Variants in CYFIP1 observed in about 807,000 individuals in gnomAD.
CYFIP1 encodes the protein cytoplasmic FMR1-interacting protein 1.
A neutral mutation model predicts 163.5 loss-of-function variants in CYFIP1; 58 were observed. That is an observed-to-expected ratio of 0.35 (90% CI 0.29 to 0.44). CYFIP1 has a LOEUF of 0.44. Ranked by LOEUF, CYFIP1 falls within the 20% of genes least tolerant of loss-of-function variation. The pLI is 1.00. For synonymous variants in CYFIP1, 663 were observed against 660.7 expected, an observed-to-expected ratio of 1.00 and a Z score of -0.05; for missense variants, 1,338 against 1,653.8, an observed-to-expected ratio of 0.81 and a Z score of 3.31.
intron 1 of CYFIP1, among the ~76,000 whole-genome samples, chr15:22,962,524 G>A (rs1031948275): frequency 9.9e-5 from 15 of 151,434 alleles, no homozygotes; most frequent in Non-Finnish European, 7.4e-5. Flanking sequence ...TAAGCCTCCC[G>A]AGTAGCTGGG....
At chr15:22,893,333 G>A (rs113105497) in intron 22 of CYFIP1, among the ~76,000 whole-genome samples, 45 of 152,254 alleles carry the variant, frequency 3.0e-4, no homozygotes, top group African/African-American at 9.1e-4. Context: ...GCGACGCCCC[G>A]GTGGTTCAGA....
chr15:22,952,872 A>G (rs1489426042), intron 1 of CYFIP1, among the ~76,000 whole-genome samples: 1 of 152,190 alleles, frequency 6.6e-6, no homozygotes, highest in Non-Finnish European at 1.5e-5. Context: ...CCCAGCTTCC[A>G]CAAAATTTCT....
chr15:22,881,227 G>A (rs1348169274), intron 25 of CYFIP1, among the ~76,000 whole-genome samples: 9 of 152,196 alleles, frequency 5.9e-5, no homozygotes, highest in South Asian at 2.1e-4. Flanking sequence ...GGCTCAAGTC[G>A]CTTTACAACA....
chr15:22,868,294 T>C lies in CYFIP1; in HGVS notation c.*1734A>G, dbSNP rs944359880. ...TATATACTGTACCTACATCTGTGCT[T>C]TGTACATAAAAGAACCAGTTTTCTC... is the stretch of plus-strand genomic sequence containing the variant. On this transcript the variant is annotated 3_prime_UTR_variant, in exon 31 of 31. Coordinates refer to ENST00000617928, the MANE Select transcript of CYFIP1 (RefSeq NM_014608.6). The C allele has an allele frequency of 6.6e-6, 1 of 152,232 alleles. No homozygotes were observed. Among genetic ancestry groups the C allele is most frequent in the Non-Finnish European group, 1.5e-5 (1 of 68,040 alleles). 9.4% of individuals were successfully genotyped at this position (152,232 alleles called of 1,614,324 possible). A position where few individuals can be genotyped will look rare whatever the true frequency, so the allele number is the denominator to read the frequency against.
At chr15:22,933,418 C>G (rs2061602820) in intron 10 of CYFIP1, among the ~76,000 whole-genome samples, 1 of 151,500 alleles carries the variant, frequency 6.6e-6, no homozygotes, top group Non-Finnish European at 1.5e-5. Flanking sequence ...AGGTTCATGC[C>G]ATTCTCCTAC....
chr15:22,926,304 A>C (rs1039627531), intron 12 of CYFIP1, among the ~76,000 whole-genome samples, 197 bp from the exon 13 acceptor site: 2 of 152,140 alleles, frequency 1.3e-5, no homozygotes, highest in African/African-American at 4.8e-5. Context: ...CTCTCGTTTA[A>C]AAAATCTACC....
intron 13 of CYFIP1, 100 bp from the exon 14 acceptor site, chr15:22,918,958 C>T: frequency 3.2e-6 from 3 of 929,292 alleles, no homozygotes; most frequent in Non-Finnish European, 4.9e-6. Flanking sequence ...GCCCACAGCA[C>T]CTTACGCCCT....
chr15:22,894,877 A>ATTTTT (rs1183343566), intron 22 of CYFIP1, among the ~76,000 whole-genome samples: 3 of 138,318 alleles, frequency 2.2e-5, no homozygotes, highest in African/African-American at 5.3e-5. Flanking sequence ...ATATATATAT[A>ATTTTT]TTTTTTTTTT....
chr15:22,885,898 C>T (rs1048548745), intron 23 of CYFIP1, among the ~76,000 whole-genome samples: 1 of 152,154 alleles, frequency 6.6e-6, no homozygotes, highest in Non-Finnish European at 1.5e-5. Context: ...TAGCAGTACT[C>T]CACTCTACCA....
intron 1 of CYFIP1, among the ~76,000 whole-genome samples, chr15:22,950,247 A>G (rs1567019693): frequency 6.6e-6 from 1 of 152,220 alleles, no homozygotes; most frequent in Non-Finnish European, 1.5e-5. Flanking sequence ...TGCCATCTAC[A>G]AGAAACTTAC....
intron 3 of CYFIP1, 69 bp downstream of exon 3, chr15:22,946,934 A>G: frequency 7.4e-7 from 1 of 1,355,492 alleles, no homozygotes; most frequent in Non-Finnish European, 1.1e-6. Flanking sequence ...ATAATACCAA[A>G]AAGTATACAT....
rs200587607 is a variant in CYFIP1, at chr15:22,879,897, T to C, written c.3042+16A>G. The C allele has an allele frequency of 3.5e-5, 56 of 1,601,784 alleles. No individual in the cohort carries two copies. The Admixed American group carries it at 8.0e-4, about 23-fold the overall frequency. Reference sequence around the variant, plus strand: ...TGGGCTGGGGCGGGGAGGGGCGGCGTTGGGGGGCCACTCACCAGGCTCTGC... The same window carrying C: ...TGGGCTGGGGCGGGGAGGGGCGGCGCTGGGGGGCCACTCACCAGGCTCTGC... On this transcript the variant is annotated intron_variant, in intron 26 of 30. Coordinates refer to ENST00000617928, the MANE Select transcript of CYFIP1 (RefSeq NM_014608.6).
intron 23 of CYFIP1, among the ~76,000 whole-genome samples, chr15:22,889,053 C>CAA (rs1455784487): frequency 2.0e-5 from 3 of 149,064 alleles, no homozygotes; most frequent in Non-Finnish European, 4.5e-5. Flanking sequence ...AAAAAAAACA[C>CAA]ACAAAAAAAA....
intron 17 of CYFIP1, among the ~76,000 whole-genome samples, chr15:22,913,605 TAAAAA>T (rs33967385): frequency 1.5e-5 from 1 of 66,990 alleles, no homozygotes; most frequent in Non-Finnish European, 2.7e-5. Flanking sequence ...TAGACAGCAT[TAAAAA>T]AAAAAAAAAA....
intron 10 of CYFIP1, among the ~76,000 whole-genome samples, chr15:22,932,946 C>T (rs1218777146): frequency 1.3e-5 from 2 of 152,130 alleles, no homozygotes; most frequent in South Asian, 2.1e-4. Context: ...GATCCTCCCA[C>T]CTCAGCCTCC....
chr15:22,898,788 G>A (rs565187066), intron 22 of CYFIP1, among the ~76,000 whole-genome samples: 6 of 152,092 alleles, frequency 3.9e-5, no homozygotes, highest in African/African-American at 1.4e-4. Context: ...CGGATTATGA[G>A]GTCAGGAGAT....
rs189131886 is a variant in CYFIP1 at position 22,957,230 on chromosome 15, C to T, written c.-6-9939G>A. Among the ~76,000 whole-genome samples, 773 of 152,334 alleles carry T rather than the reference C, an allele frequency of 5.1e-3. 15 individuals carry two copies. Among genetic ancestry groups the T allele is most frequent in the African/African-American group, 0.017 (721 of 41,574 alleles). ...AAATTTTACAACTTGTGGCCGGGCACGGTGGCTCACGCCTGTAATCCCAGC... is the reference window on the plus strand; with the variant it reads ...AAATTTTACAACTTGTGGCCGGGCATGGTGGCTCACGCCTGTAATCCCAGC... On this transcript the variant is annotated intron_variant, in intron 1 of 30. Coordinates refer to ENST00000617928, the MANE Select transcript of CYFIP1 (RefSeq NM_014608.6).
intron 3 of CYFIP1, among the ~76,000 whole-genome samples, chr15:22,945,509 T>C (rs1283890777): frequency 6.6e-6 from 1 of 152,226 alleles, no homozygotes; most frequent in Non-Finnish European, 1.5e-5. Flanking sequence ...TTAACATCGT[T>C]TCCTTTGGAA....
intron 23 of CYFIP1, among the ~76,000 whole-genome samples, chr15:22,884,840 C>T (rs189320940): frequency 1.1e-4 from 16 of 152,224 alleles, no homozygotes; most frequent in Middle Eastern, 3.4e-3. Context: ...CAACACCACG[C>T]GGAAGCCACC....
Sources: gnomAD v4.1 joint callset for allele counts (sites outside exome capture counted in the v4.1 genomes callset) on GRCh38, gnomAD v4.1.1 for gene constraint, MANE v1.5 for transcripts, NCBI Gene and HGNC (gene_info 2026-07-23, HGNC 2026-07-21) for gene names.